DPP10: variants seen among roughly 807,000 people sequenced by gnomAD.
The protein encoded by DPP10 is inactive dipeptidyl peptidase 10.
In DPP10, 33 loss-of-function variants were observed where a neutral mutation model predicts 120.9. The ratio of observed to expected loss-of-function variants is 0.27; its 90% CI spans 0.21 to 0.37. The LOEUF is 0.37. Ranked by LOEUF, DPP10 falls within the 10% of genes least tolerant of loss-of-function variation. The pLI is 1.00. For missense variants in DPP10, 816 were observed against 942.8 expected (o/e 0.87, Z 1.76); for synonymous variants, 337 against 326.1 (o/e 1.03, Z -0.36).
chr2:115,475,467 G>A (rs898743473), intron 3 of DPP10, among the ~76,000 whole-genome samples: 5 of 152,228 alleles, frequency 3.3e-5, no homozygotes, highest in Admixed American at 6.5e-5. Context: ...GAAGCCTGCT[G>A]CAGGGGCAGA....
At chr2:115,288,275 G>T (rs1438207403) in intron 1 of DPP10, among the ~76,000 whole-genome samples, 1 of 151,862 alleles carries the variant, frequency 6.6e-6, no homozygotes, top group Non-Finnish European at 1.5e-5. Context: ...TTTCCCTGAT[G>T]ATTAGTGATG....
intron 4 of DPP10, among the ~76,000 whole-genome samples, chr2:115,522,978 G>A (rs940758068): frequency 3.3e-5 from 5 of 151,988 alleles, no homozygotes; most frequent in African/African-American, 7.2e-5. Flanking sequence ...AACATTAAAG[G>A]CATACACTAA....
chr2:114,442,809 A>G lies in DPP10; in HGVS notation c.31A>G (p.Ile11Val). 1 of 1,613,458 alleles carries G rather than the reference A, an allele frequency of 6.2e-7. No homozygotes were observed. Among genetic ancestry groups the G allele is most frequent in the East Asian group, 2.2e-5 (1 of 44,838 alleles). MNQTASVSHH[I>V]KCQPSKTIKE... is the part of the protein sequence containing the mutation. ...CCAAACTGCCAGCGTGTCCCATCAC[A>G]TCAAGTGTCAACCCTCAAAAACAAT... The change falls in exon 1 of 26, where the codon ATC (isoleucine) becomes GTC (valine). Residue 11 changes from isoleucine to valine, a missense_variant. This residue lies in a region of DPP10 where 182 missense variants were observed against 207.4 expected (regional missense o/e 0.88). Transcript: ENST00000410059.
intron 3 of DPP10, among the ~76,000 whole-genome samples, chr2:115,384,690 GAAGAAAAAGAAAGAAGA>G (rs1209216761): frequency 4.6e-4 from 65 of 140,502 alleles, no homozygotes; most frequent in African/African-American, 1.8e-3. Flanking sequence ...AGAGGAAGAA[GAAGAAAAAGAAAGAAGA>G]AAGAAGAAGA....
chr2:115,438,578 T>G (rs2104842731), intron 3 of DPP10, among the ~76,000 whole-genome samples: 1 of 152,342 alleles, frequency 6.6e-6, no homozygotes, highest in African/African-American at 2.4e-5. Flanking sequence ...AGGAAGGAAA[T>G]TCTGACACAT....
chr2:115,046,141 C>T (rs1399793700), intron 1 of DPP10, among the ~76,000 whole-genome samples: 2 of 152,188 alleles, frequency 1.3e-5, no homozygotes, highest in South Asian at 4.2e-4. Flanking sequence ...AGGGAGGTAA[C>T]TTAAGATTCT....
chr2:115,404,401 G>C (rs1460743422), intron 3 of DPP10, among the ~76,000 whole-genome samples: 1 of 151,964 alleles, frequency 6.6e-6, no homozygotes, highest in Non-Finnish European at 1.5e-5. Context: ...CCAACACTGG[G>C]GACTACAGTT....
At chr2:115,219,872 G>T (rs1321492958) in intron 1 of DPP10, among the ~76,000 whole-genome samples, 1 of 152,078 alleles carries the variant, frequency 6.6e-6, no homozygotes, top group Non-Finnish European at 1.5e-5. Context: ...AGGGAAAATT[G>T]TCATGGAAAA....
intron 7 of DPP10, among the ~76,000 whole-genome samples, chr2:115,699,710 A>G (rs1357134193): frequency 6.6e-6 from 1 of 152,232 alleles, no homozygotes; most frequent in Non-Finnish European, 1.5e-5. Context: ...ATCCTGATAC[A>G]AAAATCTATA....
At chr2:115,737,013 CT>C (rs1676607608) in intron 8 of DPP10, among the ~76,000 whole-genome samples, 1 of 152,112 alleles carries the variant, frequency 6.6e-6, no homozygotes, top group South Asian at 2.1e-4. Context: ...ACGAAGTATT[CT>C]GTTCAAAATC....
In DPP10 at chr2:115,436,652, G is replaced by A. The variant is rs569011275; in HGVS notation, c.272-62858G>A. Among the ~76,000 whole-genome samples, 137 of 151,886 alleles carry A rather than the reference G, an allele frequency of 9.0e-4. 1 individual carries two copies. Among genetic ancestry groups the A allele is most frequent in the African/African-American group, 3.2e-3 (131 of 41,504 alleles). On this transcript the variant is annotated intron_variant, in intron 3 of 25. Transcript: ENST00000410059. ...AGAATCTTGGCAAGGTATGATGCTG[G>A]ATGTTACAGAGAATAGGGTGGGTAT... is the stretch of plus-strand genomic sequence containing the variant.
At chr2:115,542,437 A>T (rs2079230159) in intron 5 of DPP10, among the ~76,000 whole-genome samples, 1 of 151,968 alleles carries the variant, frequency 6.6e-6, no homozygotes, top group African/African-American at 2.4e-5. Flanking sequence ...ATTGCTGAGT[A>T]GTAGACAGTG....
At chr2:115,060,298 C>G (rs764030799) in intron 1 of DPP10, among the ~76,000 whole-genome samples, 2 of 151,608 alleles carry the variant, frequency 1.3e-5, no homozygotes, top group Non-Finnish European at 2.9e-5. Context: ...GTAGATTTAT[C>G]GATAGGTATA....
At chr2:115,318,162 A>C (rs2061888342) in intron 2 of DPP10, among the ~76,000 whole-genome samples, 1 of 152,154 alleles carries the variant, frequency 6.6e-6, no homozygotes, top group Non-Finnish European at 1.5e-5. Flanking sequence ...TTGCATGTGA[A>C]TAACCATTTC....
In DPP10 at chr2:115,469,886, AAAAAAAAAAAAAAG is replaced by A. The variant is rs1421062231; in HGVS notation, c.272-29612_272-29599del. ...GCACTCCAGCCTGGGCAACAAGAGA[AAAAAAAAAAAAAAG>A]AAAAAAAAAAACTAGTTTCTTTAAA... On this transcript the variant is annotated intron_variant, in intron 3 of 25. Transcript: ENST00000410059. 2.2e-4 allele frequency among the ~76,000 whole-genome samples: 32 copies of A among 142,794 alleles called. 1 individual carries two copies. Among genetic ancestry groups the A allele is most frequent in the Non-Finnish European group, 3.6e-4 (23 of 64,566 alleles). The allele number at this position is 142,794 out of a possible 152,430, so 93.7% of individuals were successfully genotyped here. A position where few individuals can be genotyped will look rare whatever the true frequency, so the allele number is the denominator to read the frequency against.
rs866739631 is a variant in DPP10 at position 115,196,896 on chromosome 2, A to G, written c.61-112343A>G. The stretch of plus-strand genomic sequence containing the variant: ...ACTGAGCATAAGTTTGAATATAGCC[A>G]TATACTAGAATAAAATATGGATATC... On this transcript the variant is annotated intron_variant, in intron 1 of 25. Transcript: ENST00000410059. 6.6e-4 allele frequency among the ~76,000 whole-genome samples: 101 copies of G among 152,304 alleles called. No homozygotes were observed. The Middle Eastern group carries it at 0.01, about 15-fold the overall frequency.
chr2:115,153,709 C>T (rs1040649183), intron 1 of DPP10, among the ~76,000 whole-genome samples: 1 of 152,088 alleles, frequency 6.6e-6, no homozygotes, highest in African/African-American at 2.4e-5. Flanking sequence ...TTTTGAAGTC[C>T]TCATTTTGAG....
chr2:115,476,883 C>T (rs1164790808), intron 3 of DPP10, among the ~76,000 whole-genome samples: 2 of 152,092 alleles, frequency 1.3e-5, no homozygotes, highest in Non-Finnish European at 2.9e-5. Context: ...TCATGTAATA[C>T]ACTACATTAA....
chr2:115,508,888 C>T (rs531729294), intron 4 of DPP10, among the ~76,000 whole-genome samples: 64 of 152,036 alleles, frequency 4.2e-4, no homozygotes, highest in Middle Eastern at 3.4e-3. Context: ...GGCAACAGAG[C>T]GAGACTTCAT....
Sources: gnomAD v4.1 joint callset for allele counts (sites outside exome capture counted in the v4.1 genomes callset) on GRCh38, gnomAD v4.1.1 for gene constraint, gnomAD v4.1.1 regional missense constraint, MANE v1.5 for transcripts, NCBI Gene and HGNC (gene_info 2026-07-23, HGNC 2026-07-21) for gene names.